Variants in MACF1 observed in about 807,000 individuals in gnomAD.
MACF1 encodes microtubule-actin cross-linking factor 1.
Under a neutral mutation model 854.8 loss-of-function variants are expected in MACF1, and 193 were observed. The observed-to-expected ratio is 0.23, with a 90% CI of 0.20 to 0.25. The LOEUF is 0.25. Among genes scored for constraint, MACF1 ranks in the 10% least tolerant of loss-of-function variants. MACF1 has a pLI of 1.00. For missense variants in MACF1, 7,722 were observed against 8,929.1 expected (o/e 0.86, Z 5.45); for synonymous variants, 3,185 against 3,226.7 (o/e 0.99, Z 0.44).
At chr1:39,107,153 C>T (rs1642265629) in intron 2 of MACF1, among the ~76,000 whole-genome samples, 1 of 152,246 alleles carries the variant, frequency 6.6e-6, no homozygotes, top group African/African-American at 2.4e-5. Flanking sequence ...CCGTCCCGGG[C>T]TGTGACAGCT....
chr1:39,452,019 T>C, intron 85 of MACF1, 137 bp from the exon 86 acceptor site: 1 of 728,266 alleles, frequency 1.4e-6, no homozygotes, highest in East Asian at 2.7e-5. Context: ...GGTTGTTTTT[T>C]CTTATGCATT....
chr1:39,107,171 A>G (rs145532632), intron 2 of MACF1, among the ~76,000 whole-genome samples: 1 of 152,288 alleles, frequency 6.6e-6, no homozygotes, highest in Non-Finnish European at 1.5e-5. Context: ...GCTTCAAACC[A>G]GCAGAATTAA....
At chr1:39,319,813 T>A (rs1054857994) in intron 31 of MACF1, 66 bp downstream of exon 31, 1 of 1,134,428 alleles carries the variant, frequency 8.8e-7, no homozygotes, top group Non-Finnish European at 1.3e-6. Flanking sequence ...ACATCTTCAC[T>A]GTAGGTTCTG....
chr1:39,421,857 G>A (rs1287348145), intron 58 of MACF1, among the ~76,000 whole-genome samples: 8 of 152,112 alleles, frequency 5.3e-5, no homozygotes, highest in African/African-American at 1.2e-4. Flanking sequence ...GGCGGATCAC[G>A]AGGTCAGGAG....
At chr1:39,100,687 C>G (rs12074110) in intron 2 of MACF1, among the ~76,000 whole-genome samples, 1 of 151,768 alleles carries the variant, frequency 6.6e-6, no homozygotes, top group Admixed American at 6.6e-5. Flanking sequence ...AACCCCATCT[C>G]TACGAAAAAT....
chr1:39,444,865 A>G, intron 80 of MACF1, 30 bp downstream of exon 80: 1 of 1,537,668 alleles, frequency 6.5e-7, no homozygotes, highest in Non-Finnish European at 8.8e-7. Flanking sequence ...TGTTTGAGTA[A>G]TTTGCTGAGT....
chr1:39,244,787 T>C (rs60323161), intron 2 of MACF1, among the ~76,000 whole-genome samples: 24,345 of 151,994 alleles, frequency 0.16, 2,423 homozygotes, highest in Middle Eastern at 0.22. Context: ...TCATGTTCAC[T>C]AGGCTGGTCT....
In MACF1 at chr1:39,357,401, G is replaced by C; in HGVS notation, c.11451G>C (p.Gln3817His). The C allele has an allele frequency of 6.2e-7, 1 of 1,613,146 alleles. No individual in the cohort carries two copies. The highest frequency in any genetic ancestry group is 8.5e-7 in the Non-Finnish European group (1 of 1,179,608). Residue 3817 changes from glutamine to histidine, a missense_variant, in exon 45 of 101, where the codon CAG (glutamine) becomes CAC (histidine). Physicochemically the swap from Gln to His is conservative, Grantham distance 24 (BLOSUM62 0). Around this residue, in one of 15 missense-constraint regions of MACF1, gnomAD observed 2,807 missense variants for 3,235.8 expected, o/e 0.87. Coordinates refer to ENST00000564288, the MANE Select transcript of MACF1 (RefSeq NM_001394062.1). ...MKARHQELLSQQQNFILATQS... is the reference protein window; with the variant it reads ...MKARHQELLSHQQNFILATQS... ...CCCGTCACCAAGAATTGCTGTCCCA[G>C]CAGCAAAATTTCATTCTGGCCACCC... is the stretch of plus-strand genomic sequence containing the variant.
chr1:39,153,415 A>G (rs776974527), intron 2 of MACF1, among the ~76,000 whole-genome samples: 3 of 152,162 alleles, frequency 2.0e-5, no homozygotes, highest in Non-Finnish European at 4.4e-5. Flanking sequence ...ATCTCTTAGT[A>G]TTACATAAGC....
intron 2 of MACF1, among the ~76,000 whole-genome samples, chr1:39,238,516 C>G (rs369027875): frequency 2.0e-5 from 3 of 152,212 alleles, no homozygotes; most frequent in Non-Finnish European, 4.4e-5. Flanking sequence ...TACTTTGTCT[C>G]TAACCGTTGG....
intron 88 of MACF1, among the ~76,000 whole-genome samples, chr1:39,454,654 G>A (rs1345850906): frequency 1.3e-5 from 2 of 152,110 alleles, no homozygotes; most frequent in African/African-American, 4.8e-5. Flanking sequence ...CAAAAAATTA[G>A]CTGGGTATGG....
chr1:39,226,402 A>G (rs900102973), intron 1 of MACF1, among the ~76,000 whole-genome samples: 3 of 150,304 alleles, frequency 2.0e-5, no homozygotes, highest in Non-Finnish European at 4.4e-5. Flanking sequence ...ATGCAGTGGC[A>G]CGATCTCAGC....
At chr1:39,155,828 T>C (rs1231510019) in intron 2 of MACF1, among the ~76,000 whole-genome samples, 3 of 152,148 alleles carry the variant, frequency 2.0e-5, no homozygotes, top group Non-Finnish European at 4.4e-5. Context: ...CAAGCAATTC[T>C]CCTGCCTCAG....
chr1:39,167,387 A>G (rs1475282167), intron 2 of MACF1, among the ~76,000 whole-genome samples: 7 of 151,326 alleles, frequency 4.6e-5, no homozygotes, highest in Non-Finnish European at 1.0e-4. Flanking sequence ...CTGGTCCAAC[A>G]TGGTGAAACC....
At chr1:39,153,653 A>G (rs1263237161) in intron 2 of MACF1, among the ~76,000 whole-genome samples, 2 of 152,182 alleles carry the variant, frequency 1.3e-5, no homozygotes, top group Non-Finnish European at 2.9e-5. Flanking sequence ...CCTTTTTGCC[A>G]GACCTACACT....
Position 39,358,764 on chromosome 1 carries a change from A to G in MACF1, c.12011A>G (p.Asp4004Gly), listed in dbSNP as rs748658509. The change falls in exon 46 of 101, where the codon GAC (aspartate) becomes GGC (glycine). Residue 4004 changes from aspartate (D) to glycine (G), a missense_variant. Around this residue, in one of 15 missense-constraint regions of MACF1, gnomAD observed 2,807 missense variants for 3,235.8 expected, o/e 0.87. Coordinates refer to ENST00000564288, the MANE Select transcript of MACF1 (RefSeq NM_001394062.1). Reference protein sequence around the residue: ...GQYHQFQNSADSLQAWMQACE... With the variant: ...GQYHQFQNSAGSLQAWMQACE... ...TATCATCAATTCCAAAACAGTGCTG[A>G]CAGCCTGCAGGCCTGGATGCAGGCT... 6.2e-7 allele frequency: 1 copy of G among 1,613,970 alleles called. No homozygotes were observed. Among genetic ancestry groups the G allele is most frequent in the African/African-American group, 1.3e-5 (1 of 74,916 alleles).
rs895471934 is a variant in MACF1, at chr1:39,331,979, A to G, written c.5391A>G (p.Gln1797=). The G allele has an allele frequency of 1.2e-6, 2 of 1,614,004 alleles. No individual in the cohort carries two copies. The highest frequency in any genetic ancestry group is 2.7e-5 in the African/African-American group (2 of 74,894). The change falls in exon 37 of 101, where the codon CAA becomes CAG. Residue 1797 remains glutamine (Q), a synonymous_variant. Coordinates refer to ENST00000564288, the MANE Select transcript of MACF1 (RefSeq NM_001394062.1). ...EEAVRHNLID[Q]DMACAILIRQ... ...CTGTAAGACATAATCTGATTGACCA[A>G]GATATGGCCTGTGCTATCCTCATAA...
At chr1:39,377,490 G>A (rs1649824572) in intron 52 of MACF1, among the ~76,000 whole-genome samples, 1 of 152,112 alleles carries the variant, frequency 6.6e-6, no homozygotes, top group South Asian at 2.1e-4. Context: ...TAAGGAATCA[G>A]TTTGGGGAGA....
chr1:39,411,000 C>T lies in MACF1; in HGVS notation c.15817-11374C>T, dbSNP rs751619704. The T allele has an allele frequency of 3.4e-5, 55 of 1,614,000 alleles. 1 individual carries two copies. The South Asian group carries it at 5.1e-4, about 15-fold the overall frequency. ...CAGAAGCTGTAGCAACAAGTGGTAA[C>T]ACAGATGTAATGCAGGAATCCAGAT... On this transcript the variant is annotated intron_variant, in intron 58 of 100. Transcript: ENST00000564288.
Sources: allele counts gnomAD v4.1 joint callset (sites outside exome capture counted in the v4.1 genomes callset), GRCh38; gene constraint gnomAD v4.1.1; regional missense constraint gnomAD v4.1.1; transcripts MANE v1.5; gene names NCBI Gene and HGNC (gene_info 2026-07-23, HGNC 2026-07-21).